Variants in ROBO2 observed in about 807,000 individuals in gnomAD.
ROBO2 encodes the protein roundabout guidance receptor 2, also known as roundabout homolog 2.
Under a neutral mutation model 160.8 loss-of-function variants are expected in ROBO2, and 53 were observed. The ratio of observed to expected loss-of-function variants is 0.33; its 90% CI spans 0.26 to 0.41. The LOEUF (loss-of-function observed/expected upper bound fraction) is 0.41, where lower values mean the gene tolerates loss of function less well. Among genes scored for constraint, ROBO2 ranks in the 10% least tolerant of loss-of-function variants. The probability of loss-of-function intolerance (pLI) is 1.00; values close to 1 mark genes in which losing one functional copy is unlikely to be tolerated. For missense variants in ROBO2, 1,577 were observed against 1,722.4 expected, an observed-to-expected ratio of 0.92 and a Z score of 1.49; for synonymous variants, 664 against 611.7, an observed-to-expected ratio of 1.09 and a Z score of -1.26.
chr3:75,947,139 G>A (rs201559105), intron 2 of ROBO2, among the ~76,000 whole-genome samples: 15 of 152,224 alleles, frequency 9.9e-5, no homozygotes, highest in East Asian at 1.9e-4. Flanking sequence ...AAATGGCAAC[G>A]TCTTGATGAC....
At chr3:76,212,394 G>A (rs549224344) in intron 2 of ROBO2, among the ~76,000 whole-genome samples, 170 of 151,930 alleles carry the variant, frequency 1.1e-3, no homozygotes, top group African/African-American at 3.4e-3. Flanking sequence ...GACAGGGCCC[G>A]AGATAATGTA....
chr3:75,974,433 G>A (rs1055679104), intron 2 of ROBO2, among the ~76,000 whole-genome samples: 11 of 151,602 alleles, frequency 7.3e-5, no homozygotes, highest in African/African-American at 2.2e-4. Context: ...AAAGATAGGT[G>A]CATTTGAACA....
chr3:76,595,108 G>C (rs2086658932), intron 2 of ROBO2, among the ~76,000 whole-genome samples: 1 of 151,962 alleles, frequency 6.6e-6, no homozygotes, highest in Non-Finnish European at 1.5e-5. Context: ...GTCCACACCA[G>C]ATACTGGATT....
At chr3:76,862,305 G>A (rs1344233539) in intron 2 of ROBO2, among the ~76,000 whole-genome samples, 4 of 152,120 alleles carry the variant, frequency 2.6e-5, no homozygotes, top group Admixed American at 6.6e-5. Flanking sequence ...TAAGTTGTAG[G>A]AGGAGAAAAG....
At chr3:76,581,457 C>T (rs948851447) in intron 2 of ROBO2, among the ~76,000 whole-genome samples, 4 of 151,788 alleles carry the variant, frequency 2.6e-5, no homozygotes, top group Non-Finnish European at 4.4e-5. Flanking sequence ...GGCAACATGG[C>T]GAGATGTTGT....
intron 2 of ROBO2, among the ~76,000 whole-genome samples, chr3:77,248,531 A>AC (rs1420086747): frequency 6.6e-6 from 1 of 151,994 alleles, no homozygotes; most frequent in Non-Finnish European, 1.5e-5. Flanking sequence ...GGTCGCGAGC[A>AC]CCCCCCTGGA....
chr3:76,029,824 A>G (rs1454290294), intron 2 of ROBO2, among the ~76,000 whole-genome samples: 1 of 152,170 alleles, frequency 6.6e-6, no homozygotes, highest in Non-Finnish European at 1.5e-5. Flanking sequence ...CACAATAAAC[A>G]TATGTGTGCA....
chr3:76,013,396 G>T (rs1056636047), intron 2 of ROBO2, among the ~76,000 whole-genome samples: 33 of 150,264 alleles, frequency 2.2e-4, no homozygotes, highest in African/African-American at 7.9e-4. Flanking sequence ...TTGACGACTG[G>T]GCACGGTGGC....
chr3:77,493,577 T>C (rs1582437717), intron 5 of ROBO2, among the ~76,000 whole-genome samples, 195 bp downstream of exon 5: 1 of 152,194 alleles, frequency 6.6e-6, no homozygotes, highest in Non-Finnish European at 1.5e-5. Flanking sequence ...ACTCTTTCAA[T>C]GAGTATCTAC....
intron 2 of ROBO2, among the ~76,000 whole-genome samples, chr3:76,465,901 A>G (rs535283501): frequency 9.2e-5 from 14 of 151,848 alleles, no homozygotes; most frequent in Non-Finnish European, 1.8e-4. Context: ...TTGATAAGCA[A>G]AGACAAAAAA....
At chr3:76,597,232 A>G (rs1239365066) in intron 2 of ROBO2, among the ~76,000 whole-genome samples, 4 of 152,114 alleles carry the variant, frequency 2.6e-5, no homozygotes, top group Non-Finnish European at 4.4e-5. Flanking sequence ...AACAAAAAGA[A>G]CAATTCATAA....
intron 2 of ROBO2, among the ~76,000 whole-genome samples, chr3:77,325,936 A>G (rs2065337405): frequency 6.6e-6 from 1 of 152,170 alleles, no homozygotes; most frequent in Non-Finnish European, 1.5e-5. Flanking sequence ...CTTGAGTTAC[A>G]TGGTTTTTCC....
At chr3:77,298,795 G>T (rs1292709594) in intron 2 of ROBO2, among the ~76,000 whole-genome samples, 1 of 152,176 alleles carries the variant, frequency 6.6e-6, no homozygotes, top group African/African-American at 2.4e-5. Flanking sequence ...GCATGGGAGT[G>T]TGCTTGGCAC....
chr3:76,706,389 A>C, intron 2 of ROBO2, among the ~76,000 whole-genome samples: 1 of 152,176 alleles, frequency 6.6e-6, no homozygotes, highest in Non-Finnish European at 1.5e-5. Flanking sequence ...CATTTCTGCC[A>C]CCCAAAATTC....
intron 2 of ROBO2, among the ~76,000 whole-genome samples, chr3:76,146,160 C>T (rs180854218): frequency 5.5e-4 from 84 of 152,084 alleles, no homozygotes; most frequent in African/African-American, 2.0e-3. Context: ...TATGTAAACC[C>T]CTACCTTCTC....
At chr3:77,252,773 A>G (rs2090483207) in intron 2 of ROBO2, among the ~76,000 whole-genome samples, 1 of 127,442 alleles carries the variant, frequency 7.8e-6, no homozygotes, top group African/African-American at 3.0e-5. Context: ...GCGCCCCTGC[A>G]CTCCAGCCTG....
chr3:77,070,332 G>A (rs1057103427), intron 1 of ROBO2, among the ~76,000 whole-genome samples: 1 of 152,076 alleles, frequency 6.6e-6, no homozygotes, highest in African/African-American at 2.4e-5. Flanking sequence ...TCCAGCTTTG[G>A]TGGCTTAGAT....
chr3:77,582,904 G>T (rs760414289), intron 16 of ROBO2, among the ~76,000 whole-genome samples: 1 of 152,100 alleles, frequency 6.6e-6, no homozygotes, highest in East Asian at 1.9e-4. Context: ...ACTTTGAGGG[G>T]CTGAGGCTGG....
intron 2 of ROBO2, among the ~76,000 whole-genome samples, chr3:76,150,055 CTG>C (rs1221939478): frequency 6.3e-5 from 8 of 126,260 alleles, no homozygotes; most frequent in Non-Finnish European, 1.3e-4. Context: ...AAGCACACCT[CTG>C]TTTAAAACAC....
Sources: allele counts gnomAD v4.1 joint callset (sites outside exome capture counted in the v4.1 genomes callset), GRCh38; gene constraint gnomAD v4.1.1; transcripts MANE v1.5; gene names NCBI Gene and HGNC (gene_info 2026-07-23, HGNC 2026-07-21).